The following KCND2 variants were observed in gnomAD, a reference collection of about 807,000 sequenced individuals.
The protein encoded by KCND2 is potassium voltage-gated channel subfamily D member 2.
In KCND2, 16 loss-of-function variants were observed where a neutral mutation model predicts 54.4. The observed-to-expected ratio is 0.29, with a 90% CI of 0.20 to 0.45. The LOEUF (loss-of-function observed/expected upper bound fraction) is 0.45, where lower values mean the gene tolerates loss of function less well. Ranked by LOEUF, KCND2 falls within the 20% of genes least tolerant of loss-of-function variation. The pLI is 1.00. For synonymous variants in KCND2, 317 were observed against 310.7 expected (o/e 1.02, Z -0.21); for missense variants, 486 against 824.2 (o/e 0.59, Z 5.02).
intron 1 of KCND2, among the ~76,000 whole-genome samples, chr7:120,512,789 G>T (rs1803138795): frequency 6.6e-6 from 1 of 150,972 alleles, no homozygotes; most frequent in East Asian, 1.9e-4. Flanking sequence ...ATGCCTTTGA[G>T]GTTTCTTTTT....
chr7:120,335,737 G>A (rs774785213), intron 1 of KCND2, among the ~76,000 whole-genome samples: 2 of 151,950 alleles, frequency 1.3e-5, no homozygotes, highest in Non-Finnish European at 2.9e-5. Context: ...CACCTGCCTC[G>A]TCCTCCCAAA....
At chr7:120,279,796 G>A (rs761853665) in intron 1 of KCND2, among the ~76,000 whole-genome samples, 1 of 151,650 alleles carries the variant, frequency 6.6e-6, no homozygotes, top group Non-Finnish European at 1.5e-5. Context: ...TTTATCATAT[G>A]CATATATATG....
intron 1 of KCND2, among the ~76,000 whole-genome samples, chr7:120,610,653 C>T (rs1206326926): frequency 6.6e-6 from 1 of 152,022 alleles, no homozygotes; most frequent in African/African-American, 2.4e-5. Context: ...TTCCCTTCCC[C>T]CAAATAAACA....
At chr7:120,543,057 A>T (rs1354854314) in intron 1 of KCND2, among the ~76,000 whole-genome samples, 1 of 152,062 alleles carries the variant, frequency 6.6e-6, no homozygotes, top group African/African-American at 2.4e-5. Context: ...TGTATTATAG[A>T]CATTCACTAA....
chr7:120,605,399 C>T (rs1792869505), intron 1 of KCND2, among the ~76,000 whole-genome samples: 1 of 152,172 alleles, frequency 6.6e-6, no homozygotes. Context: ...TATATGAGTA[C>T]ATTGTATTCA....
At chr7:120,300,045 G>T (rs1799563876) in intron 1 of KCND2, among the ~76,000 whole-genome samples, 1 of 152,106 alleles carries the variant, frequency 6.6e-6, no homozygotes, top group African/African-American at 2.4e-5. Context: ...AAATTTTTAA[G>T]GATATGTCCT....
chr7:120,327,877 A>G (rs1279159314), intron 1 of KCND2, among the ~76,000 whole-genome samples: 1 of 151,998 alleles, frequency 6.6e-6, no homozygotes, highest in Non-Finnish European at 1.5e-5. Context: ...GAAAATATTT[A>G]TTCTATAAGA....
chr7:120,322,966 A>G (rs1330366666), intron 1 of KCND2, among the ~76,000 whole-genome samples: 2 of 152,146 alleles, frequency 1.3e-5, no homozygotes, highest in African/African-American at 4.8e-5. Context: ...TAGTTTTAAA[A>G]CAAAGTCATT....
chr7:120,352,488 ACACACACAC>A (rs1800428536), intron 1 of KCND2, among the ~76,000 whole-genome samples: 2 of 151,562 alleles, frequency 1.3e-5, no homozygotes, highest in Non-Finnish European at 3.0e-5. Context: ...ACACACACAC[ACACACACAC>A]AACATTCATG....
intron 1 of KCND2, among the ~76,000 whole-genome samples, chr7:120,594,622 T>C (rs763284232): frequency 7.2e-5 from 11 of 152,308 alleles, no homozygotes; most frequent in East Asian, 3.9e-4. Context: ...CAGATTGGCA[T>C]TGGGAAATCA....
At chr7:120,403,694 TA>T (rs1801303090) in intron 1 of KCND2, among the ~76,000 whole-genome samples, 1 of 151,972 alleles carries the variant, frequency 6.6e-6, no homozygotes, top group African/African-American at 2.4e-5. Flanking sequence ...TTAATTTAAT[TA>T]AAACAACATG....
Position 120,479,546 on chromosome 7 carries a change from T to C in KCND2, c.1115+203799T>C, listed in dbSNP as rs188561233. ...TATTATCAAACTTTCAAATCTCTGG[T>C]TTACTATTTACTCATGGAAATAAAA... On this transcript the variant is annotated intron_variant, in intron 1 of 5. Coordinates refer to ENST00000331113, the MANE Select transcript of KCND2 (RefSeq NM_012281.3). 6.6e-5 allele frequency among the ~76,000 whole-genome samples: 10 copies of C among 151,716 alleles called. No homozygotes were observed. The East Asian group carries it at 1.9e-3, about 29-fold the overall frequency.
At chr7:120,663,047 C>T (rs376508299) in intron 1 of KCND2, among the ~76,000 whole-genome samples, 2 of 152,192 alleles carry the variant, frequency 1.3e-5, no homozygotes. Flanking sequence ...TCCGTTGCAA[C>T]ACAACAAGTG....
intron 1 of KCND2, among the ~76,000 whole-genome samples, chr7:120,570,113 G>A (rs1792344335): frequency 6.6e-6 from 1 of 152,050 alleles, no homozygotes; most frequent in African/African-American, 2.4e-5. Flanking sequence ...ACTTCTGTTT[G>A]AACATAATTT....
chr7:120,563,363 G>A (rs551762169), intron 1 of KCND2, among the ~76,000 whole-genome samples: 8 of 152,220 alleles, frequency 5.3e-5, no homozygotes, highest in Middle Eastern at 3.4e-3. Flanking sequence ...TAGAAACTGT[G>A]CTATACCTTC....
chr7:120,449,045 C>G (rs1802060752), intron 1 of KCND2, among the ~76,000 whole-genome samples: 1 of 152,058 alleles, frequency 6.6e-6, no homozygotes, highest in South Asian at 2.1e-4. Flanking sequence ...GAAATCTTTT[C>G]TCAGCCAGGC....
At chr7:120,666,612 C>G (rs1420441816) in intron 1 of KCND2, among the ~76,000 whole-genome samples, 4 of 151,916 alleles carry the variant, frequency 2.6e-5, no homozygotes, top group Non-Finnish European at 5.9e-5. Context: ...TCCTTGTCCA[C>G]ATTGTGAGAC....
intron 5 of KCND2, 34 bp from the exon 6 acceptor site, chr7:120,747,647 A>G (rs1262627872): frequency 6.6e-7 from 1 of 1,515,440 alleles, no homozygotes; most frequent in Non-Finnish European, 9.2e-7. Flanking sequence ...TTAAGTAAAC[A>G]ACTTACTTTC....
intron 3 of KCND2, 193 bp from the exon 4 acceptor site, chr7:120,742,317 G>A (rs1792952065): frequency 1.7e-6 from 1 of 589,314 alleles, no homozygotes; most frequent in African/African-American, 1.9e-5. Context: ...TAAAAGACCA[G>A]ACCATTCATT....
Sources: allele counts gnomAD v4.1 joint callset (sites outside exome capture counted in the v4.1 genomes callset), GRCh38; gene constraint gnomAD v4.1.1; transcripts MANE v1.5; gene names NCBI Gene and HGNC (gene_info 2026-07-23, HGNC 2026-07-21).